ADGB: variants seen among roughly 807,000 people sequenced by gnomAD.
ADGB encodes the protein calpain-7-like protein.
Under a neutral mutation model 210.5 loss-of-function variants are expected in ADGB, and 172 were observed. The observed-to-expected ratio is 0.82, with a 90% CI of 0.72 to 0.93. ADGB has a LOEUF of 0.93. Among genes scored for constraint, ADGB ranks in the 40% least tolerant of loss-of-function variants. ADGB has a pLI of 0.00. For synonymous variants in ADGB, 658 were observed against 662.7 expected (o/e 0.99, Z 0.11); for missense variants, 2,025 against 1,964.8 (o/e 1.03, Z -0.58).
chr6:146,754,692 A>G (rs1233581347), intron 27 of ADGB, among the ~76,000 whole-genome samples: 1 of 151,896 alleles, frequency 6.6e-6, no homozygotes, highest in Non-Finnish European at 1.5e-5. Context: ...TATTTAGCCT[A>G]TTTCTGTTAA....
chr6:146,631,754 G>GTATAAATAAAGGAT (rs1268842276), intron 1 of ADGB, among the ~76,000 whole-genome samples: 1 of 152,020 alleles, frequency 6.6e-6, no homozygotes, highest in African/African-American at 2.4e-5. Context: ...ATTAGTGAGA[G>GTATAAATAAAGGAT]TACTGAGTAG....
chr6:146,742,527 C>T (rs998219676), intron 25 of ADGB, among the ~76,000 whole-genome samples: 1 of 152,066 alleles, frequency 6.6e-6, no homozygotes, highest in African/African-American at 2.4e-5. Flanking sequence ...TGGAATTATA[C>T]ACCTAAGCAT....
At chr6:146,791,805 C>T (rs143113156) in intron 33 of ADGB, among the ~76,000 whole-genome samples, 137 of 151,824 alleles carry the variant, frequency 9.0e-4, no homozygotes, top group African/African-American at 3.1e-3. Flanking sequence ...GTCACCCGAA[C>T]TGGAGTTCAG....
intron 35 of ADGB, chr6:146,807,423 CAG>C: frequency 6.4e-7 from 1 of 1,551,506 alleles, no homozygotes; most frequent in South Asian, 1.2e-5. Context: ...TGAAGCCCGA[CAG>C]AAAATTTTCG....
At position 146,788,376 on chromosome 6, in the gene ADGB, T is replaced by G. The variant is rs376111088; in HGVS notation, c.4316-13T>G. The G allele has an allele frequency of 6.7e-4, 1,040 of 1,549,850 alleles. 1 individual carries two copies. The highest frequency in any genetic ancestry group is 1.4e-3 in the Admixed American group (70 of 50,982). On this transcript the variant is annotated splice_polypyrimidine_tract_variant and intron_variant, in intron 32 of 35. Transcript: ENST00000397944. ...ACGCCAGCTTTTTCAGTAATGCACATGTCATGTTGTAGTAGAAACAGCTGC... is the reference window on the plus strand; with the variant it reads ...ACGCCAGCTTTTTCAGTAATGCACAGGTCATGTTGTAGTAGAAACAGCTGC...
chr6:146,713,121 AT>A (rs1175961054), intron 13 of ADGB, among the ~76,000 whole-genome samples: 2 of 152,198 alleles, frequency 1.3e-5, no homozygotes, highest in African/African-American at 4.8e-5. Flanking sequence ...ATGATATTCC[AT>A]TGTATATGTA....
intron 16 of ADGB, among the ~76,000 whole-genome samples, chr6:146,719,281 A>G (rs1034596221): frequency 1.3e-5 from 2 of 152,246 alleles, no homozygotes; most frequent in African/African-American, 2.4e-5. Context: ...TTTGGTACAC[A>G]TAACCACCCT....
chr6:146,797,631 T>C (rs1487988086), intron 33 of ADGB, among the ~76,000 whole-genome samples: 3 of 152,262 alleles, frequency 2.0e-5, no homozygotes, highest in African/African-American at 7.2e-5. Context: ...CTGGATGCAG[T>C]TGGAGACCAC....
chr6:146,612,374 C>A (rs1238006134), intron 1 of ADGB, among the ~76,000 whole-genome samples: 1 of 152,162 alleles, frequency 6.6e-6, no homozygotes, highest in African/African-American at 2.4e-5. Context: ...AAATGGGAGT[C>A]ATCCTTTTCT....
At chr6:146,725,850 G>A (rs1052801919) in intron 18 of ADGB, 4 of 377,048 alleles carry the variant, frequency 1.1e-5, no homozygotes, top group Non-Finnish European at 1.9e-5. Context: ...GAGAAGTTTG[G>A]TATTTAGCCT....
At chr6:146,627,021 CTTG>C (rs910618827) in intron 1 of ADGB, among the ~76,000 whole-genome samples, 27 of 152,002 alleles carry the variant, frequency 1.8e-4, no homozygotes, top group East Asian at 5.8e-4. Flanking sequence ...CATTAATACT[CTTG>C]TTGTGTGTTT....
At chr6:146,642,081 A>G (rs555782308) in intron 2 of ADGB, among the ~76,000 whole-genome samples, 7 of 152,272 alleles carry the variant, frequency 4.6e-5, no homozygotes, top group Admixed American at 1.3e-4. Context: ...AACCACATTT[A>G]AAAGTGGGCA....
chr6:146,712,275 C>T (rs772029896), intron 13 of ADGB, among the ~76,000 whole-genome samples: 10 of 151,960 alleles, frequency 6.6e-5, no homozygotes, highest in Non-Finnish European at 1.0e-4. Context: ...ACCTCCACCT[C>T]CCAGGTTCAA....
intron 1 of ADGB, among the ~76,000 whole-genome samples, chr6:146,618,632 T>C (rs1340868897): frequency 6.6e-6 from 1 of 152,138 alleles, no homozygotes; most frequent in African/African-American, 2.4e-5. Flanking sequence ...CAGGTGCATG[T>C]TGTTTAATCA....
intron 29 of ADGB, among the ~76,000 whole-genome samples, chr6:146,773,037 A>G (rs908025522): frequency 5.9e-5 from 9 of 152,246 alleles, no homozygotes; most frequent in Non-Finnish European, 1.3e-4. Context: ...AGAGAGCACA[A>G]CATGAGGGAC....
chr6:146,608,984 T>G (rs765131327), intron 1 of ADGB, among the ~76,000 whole-genome samples: 1 of 152,172 alleles, frequency 6.6e-6, no homozygotes, highest in Non-Finnish European at 1.5e-5. Flanking sequence ...GGTCTCCCAG[T>G]ATTATTGTGT....
chr6:146,663,726 A>G (rs1290453058), intron 5 of ADGB, among the ~76,000 whole-genome samples: 1 of 152,098 alleles, frequency 6.6e-6, no homozygotes, highest in Non-Finnish European at 1.5e-5. Context: ...TTGATCAAGA[A>G]ATTAATTAGG....
Position 146,764,093 on chromosome 6 carries a change from C to T in ADGB, c.3743C>T (p.Pro1248Leu). 1 of 1,538,898 alleles carries T rather than the reference C, an allele frequency of 6.5e-7. No homozygotes were observed. Among genetic ancestry groups the T allele is most frequent in the Non-Finnish European group, 8.8e-7 (1 of 1,141,352 alleles). Residue 1248 changes from proline (P) to leucine (L), a missense_variant, in exon 28 of 36, where the codon CCA becomes CTA. Transcript: ENST00000397944. ...TPTREDSSST[P>L]LQNYKYIIQC... ...ACTAGAGAAGACAGTTCCAGCACAC[C>T]ACTGCAGGTATATTAAAAACAATTG...
chr6:146,778,773 T>C lies in ADGB; in HGVS notation c.3863-3247T>C, dbSNP rs138808905. 4.8e-3 allele frequency among the ~76,000 whole-genome samples: 732 copies of C among 152,206 alleles called. 5 individuals carry two copies. The highest frequency in any genetic ancestry group is 0.017 in the African/African-American group (692 of 41,542). The stretch of plus-strand genomic sequence containing the variant: ...ATTTTTCCACTATCCCAGGACCCTA[T>C]CTCAGAAAAACAGCATGCACAGATC... On this transcript the variant is annotated intron_variant, in intron 29 of 35. Coordinates refer to ENST00000397944, the MANE Select transcript of ADGB (RefSeq NM_024694.4).
Sources: allele counts gnomAD v4.1 joint callset (sites outside exome capture counted in the v4.1 genomes callset), GRCh38; gene constraint gnomAD v4.1.1; transcripts MANE v1.5; gene names NCBI Gene and HGNC (gene_info 2026-07-23, HGNC 2026-07-21).